The following TM4SF20 variants were observed in gnomAD, a reference collection of about 807,000 sequenced individuals.
TM4SF20 encodes transmembrane 4 L six family member 20, also known as transmembrane 4 L6 family member 20.
A neutral mutation model predicts 15.1 loss-of-function variants in TM4SF20; 13 were observed. The observed-to-expected ratio is 0.86, with a 90% CI of 0.56 to 1.36. TM4SF20 has a LOEUF of 1.36. Among genes scored for constraint, TM4SF20 ranks in the 40% most tolerant of loss-of-function variants. TM4SF20 has a pLI of 0.00. For missense variants in TM4SF20, 282 were observed against 268.4 expected (o/e 1.05, Z -0.35); for synonymous variants, 92 against 96.6 (o/e 0.95, Z 0.28).
intron 2 of TM4SF20, among the ~76,000 whole-genome samples, chr2:227,369,865 G>T (rs1207895631): frequency 6.6e-6 from 1 of 152,178 alleles, no homozygotes; most frequent in Non-Finnish European, 1.5e-5. Flanking sequence ...ATGGTATAAA[G>T]ATCATGAATT....
chr2:227,364,234 ATCT>A (rs1453698326), intron 3 of TM4SF20, among the ~76,000 whole-genome samples: 1 of 152,182 alleles, frequency 6.6e-6, no homozygotes. Context: ...TCTATGGTAC[ATCT>A]TCTCTTAGGT....
intron 1 of TM4SF20, among the ~76,000 whole-genome samples, chr2:227,375,708 C>T (rs1233557405): frequency 6.6e-6 from 1 of 152,124 alleles, no homozygotes; most frequent in Non-Finnish European, 1.5e-5. Context: ...CCAGGACGGT[C>T]TTGATCTCCT....
chr2:227,373,802 G>A (rs2076432900), intron 1 of TM4SF20, among the ~76,000 whole-genome samples: 1 of 151,948 alleles, frequency 6.6e-6, no homozygotes, highest in South Asian at 2.1e-4. Flanking sequence ...GGTGGCACGT[G>A]CCTGTAGTCC....
chr2:227,367,678 T>C (rs2076399761), intron 2 of TM4SF20, among the ~76,000 whole-genome samples: 1 of 152,188 alleles, frequency 6.6e-6, no homozygotes, highest in African/African-American at 2.4e-5. Context: ...AGACCTGCCT[T>C]TTATGAGTGC....
At chr2:227,364,325 TTTTA>T (rs2106487435) in intron 3 of TM4SF20, among the ~76,000 whole-genome samples, 1 of 152,284 alleles carries the variant, frequency 6.6e-6, no homozygotes, top group South Asian at 2.1e-4. Context: ...AACCTATTTA[TTTTA>T]TTTATTCAGA....
intron 1 of TM4SF20, among the ~76,000 whole-genome samples, chr2:227,371,558 G>C (rs999432248): frequency 2.6e-5 from 4 of 152,122 alleles, no homozygotes; most frequent in African/African-American, 9.7e-5. Context: ...GCCCAGACTG[G>C]TCCTGAACTC....
Position 227,370,907 on chromosome 2 carries a change from ATACT to A in TM4SF20, c.249+4_249+7del, listed in dbSNP as rs753543673. 4.3e-5 allele frequency: 70 copies of A among 1,613,498 alleles called. No homozygotes were observed. The highest frequency in any genetic ancestry group is 5.5e-5 in the Non-Finnish European group (65 of 1,179,598). Reference sequence around the variant, plus strand: ...CTTCTGCTTCCACGCCGACTGCTTCATACTTACTCCAGTTCTGTTGTTGCAGCAC... The same window carrying A: ...CTTCTGCTTCCACGCCGACTGCTTCATACTCCAGTTCTGTTGTTGCAGCAC... On this transcript the variant is annotated splice_donor_5th_base_variant and intron_variant, in intron 2 of 3. Transcript: ENST00000304568.
At chr2:227,380,482 C>T (rs1463011679), upstream of TM4SF20, among the ~76,000 whole-genome samples, 1 of 152,188 alleles carries the variant, frequency 6.6e-6, no homozygotes, top group Non-Finnish European at 1.5e-5. Context: ...GTCACAGAGG[C>T]AGGGTACAAA....
rs7574414 is a variant in TM4SF20 at position 227,379,189 on chromosome 2, G to A, written c.80C>T (p.Ala27Val). The change falls in exon 1 of 4, where the codon GCG (alanine) becomes GTG (valine). Residue 27 changes from alanine to valine, a missense_variant. Transcript: ENST00000304568. Reference sequence around the variant, plus strand: ...AACTAAGCTGACAATTAGAGGTATCGCATTGAGAACTACTCCTAACAGCAG... The same window carrying A: ...AACTAAGCTGACAATTAGAGGTATCACATTGAGAACTACTCCTAACAGCAG... ...VLLLLGVVLN[A>V]IPLIVSLVEE... is the part of the protein sequence containing the mutation. 205,555 of 1,613,730 alleles carry A rather than the reference G, an allele frequency of 0.13. 13,573 individuals carry two copies. The highest frequency in any genetic ancestry group is 0.18 in the East Asian group (8,086 of 44,866).
rs2076373868 is a variant in TM4SF20, at chr2:227,363,562, A to G, written c.*162T>C. ...ACAAAACTAATTGAAAATTCTCTCC[A>G]CCTTTCCCAAATCAACCACTGATAT... On this transcript the variant is annotated 3_prime_UTR_variant, in exon 4 of 4. Transcript: ENST00000304568. 1 of 714,260 alleles carries G rather than the reference A, an allele frequency of 1.4e-6. No homozygotes were observed. The highest frequency in any genetic ancestry group is 2.3e-6 in the Non-Finnish European group (1 of 443,750). The allele number at this position is 714,260 out of a possible 1,614,324, so 44.2% of individuals were successfully genotyped here. A position where few individuals can be genotyped will look rare whatever the true frequency, so the allele number is the denominator to read the frequency against.
chr2:227,371,647 T>C (rs984293813), intron 1 of TM4SF20, among the ~76,000 whole-genome samples: 5 of 152,200 alleles, frequency 3.3e-5, no homozygotes, highest in Non-Finnish European at 5.9e-5. Context: ...AGAAATTGTA[T>C]GGATTATTCT....
intron 2 of TM4SF20, among the ~76,000 whole-genome samples, chr2:227,368,802 T>G (rs1186048608): frequency 6.6e-6 from 1 of 152,190 alleles, no homozygotes; most frequent in African/African-American, 2.4e-5. Flanking sequence ...AAATAAGAAC[T>G]GGAAAAAGGG....
chr2:227,381,045 TGGGA>T (rs958702710), upstream of TM4SF20, among the ~76,000 whole-genome samples: 3 of 151,784 alleles, frequency 2.0e-5, no homozygotes, highest in East Asian at 5.8e-4. Context: ...GAGGGCGAGG[TGGGA>T]GGATCACTTG....
chr2:227,366,078 A>T lies in TM4SF20; in HGVS notation c.401+15T>A, dbSNP rs933998480. ...CTGTGTGAGACAGTAAGCCTGTGAAAATCAAGTTACTTACCTGATGTTTTT... is the reference window on the plus strand; with the variant it reads ...CTGTGTGAGACAGTAAGCCTGTGAATATCAAGTTACTTACCTGATGTTTTT... On this transcript the variant is annotated intron_variant, in intron 3 of 3. Coordinates refer to ENST00000304568, the MANE Select transcript of TM4SF20 (RefSeq NM_024795.4). The T allele has an allele frequency of 6.2e-7, 1 of 1,608,968 alleles. No individual in the cohort carries two copies. The highest frequency in any genetic ancestry group is 8.5e-7 in the Non-Finnish European group (1 of 1,177,716).
In TM4SF20 at chr2:227,363,964, AG is replaced by A; in HGVS notation, c.449del (p.Ser150PhefsTer44). 6.2e-7 allele frequency: 1 copy of A among 1,613,998 alleles called. No homozygotes were observed. Among genetic ancestry groups the A allele is most frequent in the South Asian group, 1.1e-5 (1 of 90,988 alleles). ...SFNLQWFFNDSCAPPTGFNKP... is the reference protein window; with the variant it reads ...SFNLQWFFNDXCAPPTGFNKP... ...TATTGAAACCAGTAGGAGGTGCACA[AG>A]AGTCATTGAAAAACCACTGCAAGTT... On this transcript the variant is annotated frameshift_variant, in exon 4 of 4. Transcript: ENST00000304568. LOFTEE classifies it low-confidence loss of function (END_TRUNC).
chr2:227,380,726 AGTGAGTGCTGTTGGGAATG>A (rs71036180), upstream of TM4SF20, among the ~76,000 whole-genome samples: 10,797 of 152,162 alleles, frequency 0.071, 513 homozygotes, highest in Admixed American at 0.12. Context: ...GCATAGATTC[AGTGAGTGCTGTTGGGAATG>A]GTGAAATAAT....
chr2:227,366,339 C>G (rs1414254708), intron 2 of TM4SF20, 95 bp from the exon 3 acceptor site: 1 of 1,108,966 alleles, frequency 9.0e-7, no homozygotes, highest in African/African-American at 1.6e-5. Flanking sequence ...TAAATCCAGT[C>G]GCCCTAAAAT....
intron 2 of TM4SF20, among the ~76,000 whole-genome samples, chr2:227,366,634 C>T (rs2076394497): frequency 1.4e-5 from 2 of 140,864 alleles, no homozygotes; most frequent in Admixed American, 7.9e-5. Flanking sequence ...GAGGCTAAGG[C>T]AGGAGAATCG....
chr2:227,363,438 G>T lies in TM4SF20; in HGVS notation c.*286C>A. ...CTCAAAAAAAAAAAAAAAAAGTCCT[G>T]TACTTTTATTTTCAGGATGACTTCC... is the stretch of plus-strand genomic sequence containing the variant. On this transcript the variant is annotated 3_prime_UTR_variant, in exon 4 of 4. Coordinates refer to ENST00000304568, the MANE Select transcript of TM4SF20 (RefSeq NM_024795.4). 1.8e-5 allele frequency: 4 copies of T among 220,860 alleles called. No homozygotes were observed. The highest frequency in any genetic ancestry group is 1.1e-4 in the East Asian group (1 of 9,284). The allele number at this position is 220,860 out of a possible 1,614,324, so 13.7% of individuals were successfully genotyped here. A position where few individuals can be genotyped will look rare whatever the true frequency, so the allele number is the denominator to read the frequency against.
Sources: allele counts gnomAD v4.1 joint callset (sites outside exome capture counted in the v4.1 genomes callset), GRCh38; gene constraint gnomAD v4.1.1; transcripts MANE v1.5; gene names NCBI Gene and HGNC (gene_info 2026-07-23, HGNC 2026-07-21).